The following CCDC171 variants were observed in gnomAD, a reference collection of about 807,000 sequenced individuals.
CCDC171 encodes the protein coiled-coil domain containing 171, also known as coiled-coil domain-containing protein 171.
A neutral mutation model predicts 168.2 loss-of-function variants in CCDC171; 177 were observed. That is an observed-to-expected ratio of 1.05 (90% CI 0.93 to 1.19). CCDC171 has a LOEUF of 1.19. Among genes scored for constraint, CCDC171 ranks in the 50% most tolerant of loss-of-function variants. The pLI is 0.00. For synonymous variants in CCDC171, 687 were observed against 540.8 expected (o/e 1.27, Z -3.75); for missense variants, 1,991 against 1,539.0 (o/e 1.29, Z -4.91).
Position 16,056,109 on chromosome 9 carries a change from G to A in CCDC171, n.90-4537G>A, listed in dbSNP as rs1463747721. 5.3e-5 allele frequency among the ~76,000 whole-genome samples: 8 copies of A among 152,092 alleles called. No individual in the cohort carries two copies. The East Asian group carries it at 5.8e-4, about 11-fold the overall frequency. On this transcript the variant is annotated intron_variant and non_coding_transcript_variant, in intron 1 of 1. Coordinates refer to the CCDC171 transcript ENST00000478913. ...CTAAACGAAACAAAACAGATATTCA[G>A]GAAAAAAACCCAAACATTATAAATA...
At chr9:15,567,272 A>T (rs1340470331) in intron 2 of CCDC171, among the ~76,000 whole-genome samples, 1 of 152,124 alleles carries the variant, frequency 6.6e-6, no homozygotes, top group Non-Finnish European at 1.5e-5. Context: ...CACCGGCCTC[A>T]GCCTCCCACA....
chr9:15,926,975 G>T (rs543519394), intron 25 of CCDC171, among the ~76,000 whole-genome samples: 2 of 151,508 alleles, frequency 1.3e-5, no homozygotes, highest in South Asian at 4.2e-4. Flanking sequence ...ATGAATCAAG[G>T]CAGCCAGTAT....
chr9:15,996,115 C>G (rs1176911531), intron 3 of CCDC171, among the ~76,000 whole-genome samples: 1 of 152,204 alleles, frequency 6.6e-6, no homozygotes, highest in African/African-American at 2.4e-5. Flanking sequence ...TATAGGTAAA[C>G]ATAAATGATT....
intron 18 of CCDC171, among the ~76,000 whole-genome samples, chr9:15,758,262 C>A (rs2135022868): frequency 6.6e-6 from 1 of 152,318 alleles, no homozygotes; most frequent in African/African-American, 2.4e-5. Flanking sequence ...CCACTTCTTG[C>A]ATCAGCATGA....
At chr9:15,619,456 C>T (rs567869730) in intron 6 of CCDC171, among the ~76,000 whole-genome samples, 39 of 152,308 alleles carry the variant, frequency 2.6e-4, no homozygotes, top group African/African-American at 7.5e-4. Context: ...TCAAACCAGC[C>T]ACAGCATTCC....
At chr9:15,626,505 T>G (rs1302367128) in intron 7 of CCDC171, among the ~76,000 whole-genome samples, 1 of 152,226 alleles carries the variant, frequency 6.6e-6, no homozygotes, top group Non-Finnish European at 1.5e-5. Context: ...CCTAGTTTAT[T>G]GAGAGTTTTT....
chr9:15,846,531 C>G (rs974883540), intron 21 of CCDC171, among the ~76,000 whole-genome samples, 171 bp from the exon 22 acceptor site: 1 of 152,020 alleles, frequency 6.6e-6, no homozygotes, highest in East Asian at 1.9e-4. Flanking sequence ...TCTATCATTT[C>G]TAATTAGTAC....
intron 10 of CCDC171, among the ~76,000 whole-genome samples, chr9:15,694,601 C>T (rs188021494): frequency 1.3e-5 from 2 of 152,322 alleles, no homozygotes; most frequent in East Asian, 3.9e-4. Context: ...TGGGATCAGT[C>T]TCAACTCTTC....
Position 15,821,631 on chromosome 9 carries a change from G to A in CCDC171, c.3268-25071G>A, listed in dbSNP as rs1219451989. 4.3e-5 allele frequency among the ~76,000 whole-genome samples: 5 copies of A among 116,808 alleles called. 1 individual carries two copies. Among genetic ancestry groups the A allele is most frequent in the South Asian group, 2.8e-4 (1 of 3,530 alleles). The allele number at this position is 116,808 out of a possible 152,430, so 76.6% of individuals were successfully genotyped here. On this transcript the variant is annotated intron_variant, in intron 21 of 25. Coordinates refer to ENST00000380701, the MANE Select transcript of CCDC171 (RefSeq NM_173550.4). Reference sequence around the variant, plus strand: ...CCTAGGAATCCAACTTACAAGGGACGTGAAGGACCTCTTCAAGGAGAACTA... The same window carrying A: ...CCTAGGAATCCAACTTACAAGGGACATGAAGGACCTCTTCAAGGAGAACTA...
At chr9:15,663,591 G>T (rs1171351479) in intron 8 of CCDC171, among the ~76,000 whole-genome samples, 2 of 143,834 alleles carry the variant, frequency 1.4e-5, no homozygotes, top group Admixed American at 1.6e-4. Context: ...ACTACATAGA[G>T]AATTTTCTTT....
intron 25 of CCDC171, among the ~76,000 whole-genome samples, chr9:15,956,772 G>T (rs1056766348): frequency 3.3e-5 from 5 of 152,106 alleles, no homozygotes; most frequent in Admixed American, 2.6e-4. Context: ...TGTTGAGTTT[G>T]TCCATAAGTG....
intron 1 of CCDC171, among the ~76,000 whole-genome samples, chr9:16,043,520 T>A (rs952989513): frequency 6.6e-6 from 1 of 152,184 alleles, no homozygotes; most frequent in Non-Finnish European, 1.5e-5. Context: ...TAAAAATGTG[T>A]CCAAAAGCCC....
chr9:15,582,004 A>G (rs993290459), intron 4 of CCDC171, among the ~76,000 whole-genome samples: 5 of 152,242 alleles, frequency 3.3e-5, no homozygotes, highest in South Asian at 4.1e-4. Flanking sequence ...AACCTACAGA[A>G]TGGGAGAAAA....
intron 6 of CCDC171, among the ~76,000 whole-genome samples, chr9:15,613,845 A>G (rs769471326): frequency 2.0e-5 from 3 of 152,152 alleles, no homozygotes; most frequent in African/African-American, 7.2e-5. Context: ...TTTTCTAATG[A>G]CTAATGATGT....
At chr9:16,057,452 G>T (rs1833858773) in intron 1 of CCDC171, among the ~76,000 whole-genome samples, 1 of 152,116 alleles carries the variant, frequency 6.6e-6, no homozygotes, top group Non-Finnish European at 1.5e-5. Flanking sequence ...TGTTTGTTTT[G>T]TTTTGTTTTT....
intron 3 of CCDC171, among the ~76,000 whole-genome samples, chr9:16,012,948 C>A (rs1409535354): frequency 6.6e-6 from 1 of 152,152 alleles, no homozygotes; most frequent in African/African-American, 2.4e-5. Flanking sequence ...TCAACCATCA[C>A]ACCAGCTACC....
At chr9:15,964,645 A>G (rs1448665626) in intron 25 of CCDC171, among the ~76,000 whole-genome samples, 2 of 152,112 alleles carry the variant, frequency 1.3e-5, no homozygotes, top group African/African-American at 4.8e-5. Flanking sequence ...TCTAACCTCA[A>G]CCACATCAGG....
intron 25 of CCDC171, among the ~76,000 whole-genome samples, chr9:15,961,929 C>T (rs1830378913): frequency 6.6e-6 from 1 of 152,126 alleles, no homozygotes; most frequent in African/African-American, 2.4e-5. Flanking sequence ...CGTAGTCTTG[C>T]CCTAGGGTCA....
chr9:15,645,868 C>G (rs1165618816), intron 7 of CCDC171, among the ~76,000 whole-genome samples: 1 of 152,074 alleles, frequency 6.6e-6, no homozygotes, highest in Non-Finnish European at 1.5e-5. Context: ...TGAGGCAGGC[C>G]AACATTCAAA....
Sources: gnomAD v4.1 joint callset for allele counts (sites outside exome capture counted in the v4.1 genomes callset) on GRCh38, gnomAD v4.1.1 for gene constraint, MANE v1.5 for transcripts, NCBI Gene and HGNC (gene_info 2026-07-23, HGNC 2026-07-21) for gene names.